Variants in NUCB2 observed in about 807,000 individuals in gnomAD.
NUCB2 encodes nucleobindin 2, also known as nucleobindin-2.
In NUCB2, 48 loss-of-function variants were observed where a neutral mutation model predicts 57.9. The ratio of observed to expected loss-of-function variants is 0.83; its 90% CI spans 0.66 to 1.05. NUCB2 has a LOEUF of 1.05. Ranked by LOEUF, NUCB2 falls within the 50% of genes least tolerant of loss-of-function variation. NUCB2 has a pLI of 0.00. For synonymous variants in NUCB2, 139 were observed against 152.1 expected, an observed-to-expected ratio of 0.91 and a Z score of 0.64; for missense variants, 442 against 476.2, an observed-to-expected ratio of 0.93 and a Z score of 0.67.
chr11:17,333,055 A>G (rs547976393), downstream of NUCB2: 23 of 152,316 alleles, frequency 1.5e-4, no homozygotes, highest in African/African-American at 5.5e-4. Flanking sequence ...ATAGAAATAT[A>G]GTGGCCACTG....
rs773831379 is a variant in NUCB2, at chr11:17,330,953, G to A, written c.1225G>A (p.Gly409Arg). The A allele has an allele frequency of 3.1e-6, 5 of 1,610,656 alleles. No individual in the cohort carries two copies. The highest frequency in any genetic ancestry group is 3.4e-6 in the Non-Finnish European group (4 of 1,177,848). Residue 409 changes from glycine (G) to arginine (R), a missense_variant, in exon 13 of 14, where the codon GGG (glycine) becomes AGG (arginine). Physicochemically the swap from Gly to Arg is moderately radical, Grantham distance 125. Transcript: ENST00000529010. This position sits in a 1 kb window ranked among gnomAD's most constrained non-coding sequence, Gnocchi z 4.3. ...ATTACAACAAGGAATTCCTCCATCA[G>A]GGCCAGCTGGAGAATTGAAGTTTGA... ...KKLQQGIPPS[G>R]PAGELKFEPH...
intron 5 of NUCB2, among the ~76,000 whole-genome samples, chr11:17,302,452 A>G (rs1332154812): frequency 6.6e-6 from 1 of 152,248 alleles, no homozygotes; most frequent in Non-Finnish European, 1.5e-5. Context: ...GGAAACCAAA[A>G]GGAAGCAGAG....
At chr11:17,314,788 C>T (rs1477041367) in intron 10 of NUCB2, among the ~76,000 whole-genome samples, 1 of 152,186 alleles carries the variant, frequency 6.6e-6, no homozygotes, top group Non-Finnish European at 1.5e-5. Flanking sequence ...ATTGGGGTCT[C>T]TGTTGACTGC....
chr11:17,286,781 T>A (rs1943811193), intron 2 of NUCB2: 1 of 152,244 alleles, frequency 6.6e-6, no homozygotes, highest in South Asian at 2.1e-4. Flanking sequence ...TATGGATATT[T>A]GTATATTTTC....
At chr11:17,305,933 A>G (rs1947562311) in intron 5 of NUCB2, among the ~76,000 whole-genome samples, 1 of 152,156 alleles carries the variant, frequency 6.6e-6, no homozygotes, top group African/African-American at 2.4e-5. Flanking sequence ...ACACATTTTT[A>G]ATTAAGTAGT....
intron 4 of NUCB2, among the ~76,000 whole-genome samples, chr11:17,297,586 C>G (rs1042473277): frequency 2.0e-5 from 3 of 152,094 alleles, no homozygotes; most frequent in African/African-American, 7.2e-5. Context: ...TGTCTTGTAT[C>G]AGGAGTAAGA....
Position 17,330,436 on chromosome 11 carries a change from T to A in NUCB2, c.1173+139T>A. 1 of 481,572 alleles carries A rather than the reference T, an allele frequency of 2.1e-6. No individual in the cohort carries two copies. The highest frequency in any genetic ancestry group is 3.6e-6 in the Non-Finnish European group (1 of 277,700). 29.8% of individuals were successfully genotyped at this position (481,572 alleles called of 1,614,324 possible). A position where few individuals can be genotyped will look rare whatever the true frequency, so the allele number is the denominator to read the frequency against. On this transcript the variant is annotated intron_variant, in intron 12 of 13. Transcript: ENST00000529010. This position sits in a 1 kb window ranked among gnomAD's most constrained non-coding sequence, Gnocchi z 4.3. Reference sequence around the variant, plus strand: ...TATAGTATTTTAAATTTTAATACTTTAAAACTGTTTTGTGGAATATTAATC... The same window carrying A: ...TATAGTATTTTAAATTTTAATACTTAAAAACTGTTTTGTGGAATATTAATC...
chr11:17,306,258 T>A (rs2138769942), intron 5 of NUCB2, among the ~76,000 whole-genome samples: 1 of 152,294 alleles, frequency 6.6e-6, no homozygotes, highest in South Asian at 2.1e-4. Flanking sequence ...ATTTAACTCT[T>A]GGAATAGTGG....
intron 11 of NUCB2, 136 bp from the exon 12 acceptor site, chr11:17,329,991 C>T: frequency 2.3e-6 from 1 of 434,886 alleles, no homozygotes; most frequent in East Asian, 3.6e-5. Flanking sequence ...TTACTTATTT[C>T]CCCTTCCTTC....
At chr11:17,283,164 G>A (rs1347046512) in intron 2 of NUCB2, among the ~76,000 whole-genome samples, 1 of 152,268 alleles carries the variant, frequency 6.6e-6, no homozygotes, top group East Asian at 1.9e-4. Flanking sequence ...TCTTTTATCA[G>A]TGATCCCTAA....
chr11:17,332,401 A>G (rs751193363), downstream of NUCB2: 15 of 151,902 alleles, frequency 9.9e-5, no homozygotes, highest in Non-Finnish European at 1.9e-4. Flanking sequence ...GGATTCTTTT[A>G]CTAAGGAAGA....
intron 2 of NUCB2, 29 bp from the exon 3 acceptor site, chr11:17,295,295 A>G: frequency 1.3e-6 from 2 of 1,589,436 alleles, no homozygotes; most frequent in Non-Finnish European, 1.7e-6. Flanking sequence ...ATTATTCATG[A>G]CTTTACCATA....
At chr11:17,288,888 C>T (rs1372819276) in intron 2 of NUCB2, among the ~76,000 whole-genome samples, 2 of 20,754 alleles carry the variant, frequency 9.6e-5, no homozygotes, top group African/African-American at 7.5e-4. Flanking sequence ...TATATACACA[C>T]ACACACACAC....
chr11:17,295,400 C>G lies in NUCB2; in HGVS notation c.77C>G (p.Pro26Arg), dbSNP rs374539919. The G allele has an allele frequency of 1.9e-4, 312 of 1,613,308 alleles. No homozygotes were observed. Among genetic ancestry groups the G allele is most frequent in the Non-Finnish European group, 2.5e-4 (291 of 1,179,702 alleles). Residue 26 changes from proline (P) to arginine (R), a missense_variant, in exon 3 of 14, where the codon CCT becomes CGT. Physicochemically the swap from Pro to Arg is moderately radical, Grantham distance 103 (BLOSUM62 -2). Coordinates refer to ENST00000529010, the MANE Select transcript of NUCB2 (RefSeq NM_005013.4). ...TCLLTALEAV[P>R]IDIDKTKVQN... Reference sequence around the variant, plus strand: ...TTACTTACTGCTCTTGAAGCTGTGCCTATTGACATAGACAAGACAAAAGTA... The same window carrying G: ...TTACTTACTGCTCTTGAAGCTGTGCGTATTGACATAGACAAGACAAAAGTA...
chr11:17,311,722 A>C (rs893259725), intron 8 of NUCB2, 150 bp from the exon 9 acceptor site: 3 of 534,134 alleles, frequency 5.6e-6, no homozygotes, highest in Non-Finnish European at 9.9e-6. Context: ...AGCTGATCTA[A>C]AGCTTCATGA....
chr11:17,294,953 C>T (rs1945574579), intron 2 of NUCB2, among the ~76,000 whole-genome samples: 2 of 152,040 alleles, frequency 1.3e-5, no homozygotes, highest in Non-Finnish European at 2.9e-5. Context: ...GAGGCTGAGG[C>T]AGGAGAATCG....
Position 17,330,430 on chromosome 11 carries a change from A to G in NUCB2, c.1173+133A>G, listed in dbSNP as rs942460046. 4.1e-6 allele frequency: 2 copies of G among 487,996 alleles called. No individual in the cohort carries two copies. The highest frequency in any genetic ancestry group is 4.0e-5 in the African/African-American group (2 of 49,746). 30.2% of individuals were successfully genotyped at this position (487,996 alleles called of 1,614,324 possible). A position where few individuals can be genotyped will look rare whatever the true frequency, so the allele number is the denominator to read the frequency against. On this transcript the variant is annotated intron_variant, in intron 12 of 13. Coordinates refer to ENST00000529010, the MANE Select transcript of NUCB2 (RefSeq NM_005013.4). The surrounding 1 kb of genome is among the most constrained non-coding windows in gnomAD (Gnocchi z 4.3). ...CTATACTATAGTATTTTAAATTTTA[A>G]TACTTTAAAACTGTTTTGTGGAATA... is the stretch of plus-strand genomic sequence containing the variant.
At chr11:17,320,974 A>G (rs1191057182) in intron 11 of NUCB2, among the ~76,000 whole-genome samples, 1 of 152,102 alleles carries the variant, frequency 6.6e-6, no homozygotes, top group Non-Finnish European at 1.5e-5. Context: ...TTGTGTGTGC[A>G]TACATAGTAT....
downstream of NUCB2, chr11:17,333,572 C>G: frequency 6.6e-6 from 1 of 152,256 alleles, no homozygotes; most frequent in Non-Finnish European, 1.5e-5. Context: ...CCTCTGTGTG[C>G]TCTCCATCCC....
Sources: gnomAD v4.1 joint callset for allele counts (sites outside exome capture counted in the v4.1 genomes callset) on GRCh38, gnomAD v4.1.1 for gene constraint, Gnocchi (gnomAD v3.1) non-coding constraint, MANE v1.5 for transcripts, NCBI Gene and HGNC (gene_info 2026-07-23, HGNC 2026-07-21) for gene names.